MAGI2: variants seen among roughly 807,000 people sequenced by gnomAD.
The protein encoded by MAGI2 is membrane-associated guanylate kinase, WW and PDZ domain-containing protein 2.
MAGI2 carries 35 observed loss-of-function variants against 133.3 expected under a neutral mutation model. That is an observed-to-expected ratio of 0.26 (90% CI 0.20 to 0.35). The LOEUF is 0.35. MAGI2 is among the 10% of genes least tolerant of loss of function. MAGI2 has a pLI of 1.00. For missense variants in MAGI2, 1,636 were observed against 1,863.4 expected, an observed-to-expected ratio of 0.88 and a Z score of 2.25; for synonymous variants, 729 against 710.6, an observed-to-expected ratio of 1.03 and a Z score of -0.41.
In MAGI2 at chr7:78,345,944, G is replaced by A. The variant is rs1790861395; in HGVS notation, c.1203C>T (p.Pro401=). 2.5e-6 allele frequency: 4 copies of A among 1,614,012 alleles called. No individual in the cohort carries two copies. In the African/African-American group the frequency reaches 4.0e-5, roughly 16 times the overall value. The change falls in exon 8 of 22, where the codon CCC becomes CCT. Residue 401 remains proline (P), a synonymous_variant. Transcript: ENST00000354212. ...NMPHTELGTK[P]LQAPGFREKP... The stretch of plus-strand genomic sequence containing the variant: ...TACCTCGGAAACCTGGGGCCTGCAG[G>A]GGCTTTGTTCCAAGTTCTGTGTGGG...
intron 2 of MAGI2, among the ~76,000 whole-genome samples, chr7:78,934,807 C>T (rs1327281004): frequency 6.6e-6 from 1 of 152,180 alleles, no homozygotes; most frequent in Non-Finnish European, 1.5e-5. Context: ...ATGCTCAAAT[C>T]TGTACCTAAC....
chr7:78,143,724 A>C (rs1209255574), intron 16 of MAGI2, among the ~76,000 whole-genome samples: 1 of 152,114 alleles, frequency 6.6e-6, no homozygotes, highest in Non-Finnish European at 1.5e-5. Context: ...TTCCCAAACT[A>C]ACCTGTCCAT....
At chr7:78,284,903 A>G (rs550191679) in intron 9 of MAGI2, among the ~76,000 whole-genome samples, 1 of 152,296 alleles carries the variant, frequency 6.6e-6, no homozygotes, top group Admixed American at 6.5e-5. Flanking sequence ...CATTCCAGAA[A>G]TAAGTACAGA....
At chr7:78,559,588 A>G (rs17151016) in intron 3 of MAGI2, among the ~76,000 whole-genome samples, 4,063 of 152,206 alleles carry the variant, frequency 0.027, 140 homozygotes, top group South Asian at 0.15. Context: ...GTGAGTATTA[A>G]GCTTAAAATT....
At chr7:78,988,288 T>A (rs7799789) in intron 2 of MAGI2, among the ~76,000 whole-genome samples, 1 of 152,184 alleles carries the variant, frequency 6.6e-6, no homozygotes, top group Non-Finnish European at 1.5e-5. Context: ...GAGGTCTACA[T>A]TGAGGTCTAT....
At chr7:79,228,958 C>A (rs2129554051) in intron 1 of MAGI2, among the ~76,000 whole-genome samples, 1 of 152,232 alleles carries the variant, frequency 6.6e-6, no homozygotes, top group South Asian at 2.1e-4. Flanking sequence ...TATTTAAAAG[C>A]CTTGGCAATG....
intron 9 of MAGI2, among the ~76,000 whole-genome samples, chr7:78,274,753 C>A (rs1794899990): frequency 1.3e-5 from 2 of 152,148 alleles, no homozygotes; most frequent in Admixed American, 6.5e-5. Flanking sequence ...GGGAAAACCA[C>A]CTACTCAAGC....
chr7:78,362,717 T>C (rs1205236549), intron 7 of MAGI2, among the ~76,000 whole-genome samples: 1 of 152,234 alleles, frequency 6.6e-6, no homozygotes, highest in African/African-American at 2.4e-5. Context: ...ACTCAATATT[T>C]GTTTTGATAT....
At chr7:78,493,230 C>A (rs1234268983) in intron 5 of MAGI2, among the ~76,000 whole-genome samples, 3 of 152,166 alleles carry the variant, frequency 2.0e-5, no homozygotes, top group African/African-American at 7.2e-5. Flanking sequence ...AATGAGCAGA[C>A]ATTTCTGTAC....
At chr7:78,781,429 C>A (rs1281810905) in intron 2 of MAGI2, among the ~76,000 whole-genome samples, 1 of 149,970 alleles carries the variant, frequency 6.7e-6, no homozygotes, top group Admixed American at 6.6e-5. Flanking sequence ...ATGTGAAGAG[C>A]CTACTATGTA....
At chr7:79,209,122 A>G (rs1829294660) in intron 1 of MAGI2, among the ~76,000 whole-genome samples, 1 of 152,042 alleles carries the variant, frequency 6.6e-6, no homozygotes, top group South Asian at 2.1e-4. Flanking sequence ...TGGTGATTGT[A>G]TTCAATAATA....
intron 2 of MAGI2, among the ~76,000 whole-genome samples, chr7:78,711,148 C>T (rs1468096010): frequency 6.6e-6 from 1 of 152,038 alleles, no homozygotes; most frequent in Non-Finnish European, 1.5e-5. Context: ...TAAACTTGCA[C>T]ATCATTGAAG....
intron 2 of MAGI2, among the ~76,000 whole-genome samples, chr7:78,851,641 T>C (rs1478754595): frequency 6.6e-6 from 1 of 152,186 alleles, no homozygotes; most frequent in African/African-American, 2.4e-5. Context: ...TGTTTAATTC[T>C]GCTCATTTTT....
chr7:78,402,691 T>C (rs545538255), intron 6 of MAGI2, among the ~76,000 whole-genome samples: 1 of 152,300 alleles, frequency 6.6e-6, no homozygotes, highest in East Asian at 1.9e-4. Context: ...AACTTATAAG[T>C]CAACCAACTA....
intron 3 of MAGI2, among the ~76,000 whole-genome samples, chr7:78,549,554 G>A (rs1413446825): frequency 6.6e-6 from 1 of 152,038 alleles, no homozygotes; most frequent in Non-Finnish European, 1.5e-5. Flanking sequence ...ATGGCTCATA[G>A]TGCTCCATGG....
intron 21 of MAGI2, among the ~76,000 whole-genome samples, chr7:78,068,039 C>T (rs1031948143): frequency 7.9e-5 from 12 of 152,152 alleles, no homozygotes; most frequent in African/African-American, 2.9e-4. Flanking sequence ...ATAGAATGTG[C>T]AACAGTGGTC....
chr7:78,379,414 A>G (rs1157823428), intron 6 of MAGI2, among the ~76,000 whole-genome samples: 1 of 151,996 alleles, frequency 6.6e-6, no homozygotes, highest in Admixed American at 6.6e-5. Flanking sequence ...CAGTCTTCCT[A>G]TTAGATGGAA....
At chr7:78,737,611 A>G (rs1821989811) in intron 2 of MAGI2, among the ~76,000 whole-genome samples, 2 of 152,200 alleles carry the variant, frequency 1.3e-5, no homozygotes, top group African/African-American at 4.8e-5. Context: ...GACTGAATGT[A>G]GAAAGAGATA....
intron 20 of MAGI2, among the ~76,000 whole-genome samples, chr7:78,099,743 G>A (rs1296180946): frequency 6.6e-6 from 1 of 152,040 alleles, no homozygotes; most frequent in Non-Finnish European, 1.5e-5. Context: ...ATGTTCTCTT[G>A]GACATTTCCA....
Sources: gnomAD v4.1 joint callset for allele counts (sites outside exome capture counted in the v4.1 genomes callset) on GRCh38, gnomAD v4.1.1 for gene constraint, MANE v1.5 for transcripts, NCBI Gene and HGNC (gene_info 2026-07-23, HGNC 2026-07-21) for gene names.